Variants in MINAR1 observed in about 807,000 individuals in gnomAD.
MINAR1 encodes the protein major intrinsically disordered Notch2-binding receptor 1.
Under a neutral mutation model 65.1 loss-of-function variants are expected in MINAR1, and 40 were observed. The ratio of observed to expected loss-of-function variants is 0.61; its 90% CI spans 0.48 to 0.80. The LOEUF (loss-of-function observed/expected upper bound fraction) is 0.80. Among genes scored for constraint, MINAR1 ranks in the 30% least tolerant of loss-of-function variants. The pLI is 0.00. For missense variants in MINAR1, 1,128 were observed against 1,148.0 expected (o/e 0.98, Z 0.25); for synonymous variants, 482 against 449.1 (o/e 1.07, Z -0.93).
chr15:79,452,576 G>A (rs1038984552), intron 1 of MINAR1, among the ~76,000 whole-genome samples: 1 of 151,160 alleles, frequency 6.6e-6, no homozygotes, highest in East Asian at 1.9e-4. Flanking sequence ...GTGAGTGTAT[G>A]GGTGAGTCTG....
At chr15:79,435,938 T>A (rs1894588106) in intron 1 of MINAR1, among the ~76,000 whole-genome samples, 2 of 152,222 alleles carry the variant, frequency 1.3e-5, no homozygotes, top group South Asian at 4.1e-4. Flanking sequence ...TAAGATTGCA[T>A]TTTCCTGTTA....
At chr15:79,423,505 G>A in the MINAR1 span, 8 of 152,092 alleles carry the variant, frequency 5.3e-5, no homozygotes, top group South Asian at 2.1e-4. Flanking sequence ...AACAATAACC[G>A]ACACTCCTAT....
Position 79,468,645 on chromosome 15 carries a change from A to G in MINAR1, c.*261A>G. 1 of 464,306 alleles carries G rather than the reference A, an allele frequency of 2.2e-6. No individual in the cohort carries two copies. Among genetic ancestry groups the G allele is most frequent in the South Asian group, 2.9e-5 (1 of 34,112 alleles). The allele number at this position is 464,306 out of a possible 1,614,324, so 28.8% of individuals were successfully genotyped here. A position where few individuals can be genotyped will look rare whatever the true frequency, so the allele number is the denominator to read the frequency against. Reference sequence around the variant, plus strand: ...TCCTACCAAAAGAACATCATGGACTATCAATAAATACAAATTGAATATTCC... The same window carrying G: ...TCCTACCAAAAGAACATCATGGACTGTCAATAAATACAAATTGAATATTCC... On this transcript the variant is annotated 3_prime_UTR_variant, in exon 4 of 4. Coordinates refer to ENST00000305428, the MANE Select transcript of MINAR1 (RefSeq NM_015206.3).
At position 79,456,159 on chromosome 15, in the gene MINAR1, T is replaced by C; in HGVS notation, c.12T>C (p.Ser4=). The C allele has an allele frequency of 6.2e-7, 1 of 1,612,962 alleles. No homozygotes were observed. Among genetic ancestry groups the C allele is most frequent in the Non-Finnish European group, 8.5e-7 (1 of 1,179,072 alleles). Reference sequence around the variant, plus strand: ...TCAAGTAATAAATCATGGAGACCAGTCAGGAAACTTCCCTCTTCTTGGTGA... The same window carrying C: ...TCAAGTAATAAATCATGGAGACCAGCCAGGAAACTTCCCTCTTCTTGGTGA... MET[S]QETSLFLVKI... is the part of the protein sequence containing the mutation. Residue 4 remains serine (S), a synonymous_variant, in exon 2 of 4, where the codon AGT becomes AGC. Transcript: ENST00000305428.
At chr15:79,447,562 T>A (rs935779138) in intron 1 of MINAR1, among the ~76,000 whole-genome samples, 5 of 152,226 alleles carry the variant, frequency 3.3e-5, no homozygotes, top group Non-Finnish European at 7.3e-5. Context: ...TGTTGTAATT[T>A]TTAAAAATAT....
chr15:79,440,783 C>T (rs749073658), intron 1 of MINAR1, among the ~76,000 whole-genome samples: 31 of 152,190 alleles, frequency 2.0e-4, no homozygotes, highest in Non-Finnish European at 4.4e-4. Context: ...TGTAATACCT[C>T]CCCTTGTTCT....
rs187920973 is a variant in MINAR1 at position 79,470,237 on chromosome 15, G to A, written c.*1853G>A. ...GTCTTTGGTGCTCTGTTTTCAATGG[G>A]GCATATTACATAAGGTTGTTTCTTT... On this transcript the variant is annotated 3_prime_UTR_variant, in exon 4 of 4. Coordinates refer to ENST00000305428, the MANE Select transcript of MINAR1 (RefSeq NM_015206.3). The A allele has an allele frequency of 2.0e-4, 31 of 152,602 alleles. 1 individual carries two copies. The highest frequency in any genetic ancestry group is 4.6e-4 in the Admixed American group (7 of 15,282). The allele number at this position is 152,602 out of a possible 1,614,324, so 9.5% of individuals were successfully genotyped here. A position where few individuals can be genotyped will look rare whatever the true frequency, so the allele number is the denominator to read the frequency against.
rs749563921 is a variant in MINAR1 at position 79,457,566 on chromosome 15, C to T, written c.1419C>T (p.Ser473=). The change falls in exon 2 of 4, where the codon AGC becomes AGT. Residue 473 remains serine, a synonymous_variant. Coordinates refer to ENST00000305428, the MANE Select transcript of MINAR1 (RefSeq NM_015206.3). ...GGCAGCTCAGCTCAGACACCAGTAG[C>T]GTGGGCACCCAGACTGAGCACGTGC... ...TSGQLSSDTS[S]VGTQTEHVLE... 200 of 1,614,048 alleles carry T rather than the reference C, an allele frequency of 1.2e-4. No individual in the cohort carries two copies. Among genetic ancestry groups the T allele is most frequent in the Non-Finnish European group, 1.6e-4 (187 of 1,180,044 alleles).
chr15:79,425,987 C>G, the MINAR1 span: 1 of 152,398 alleles, frequency 6.6e-6, no homozygotes, highest in East Asian at 1.9e-4. Context: ...AGGGCATGAT[C>G]ATTTCCAAGA....
At chr15:79,446,461 A>G (rs576076736) in intron 1 of MINAR1, among the ~76,000 whole-genome samples, 91 of 152,184 alleles carry the variant, frequency 6.0e-4, no homozygotes, top group Middle Eastern at 7.0e-3. Flanking sequence ...CTTCTGAATA[A>G]TAGTTTACAT....
At position 79,457,746 on chromosome 15, in the gene MINAR1, C is replaced by A. The variant is rs1895486341; in HGVS notation, c.1599C>A (p.Ser533=). 1 of 1,614,194 alleles carries A rather than the reference C, an allele frequency of 6.2e-7. No homozygotes were observed. The highest frequency in any genetic ancestry group is 1.3e-5 in the African/African-American group (1 of 75,050). Residue 533 remains serine, a synonymous_variant, in exon 2 of 4, where the codon TCC becomes TCA. Transcript: ENST00000305428. ...RFLDDMSISG[S]TGVIQSSCYN... ...TTGATGACATGAGCATCAGTGGCTC[C>A]ACGGGAGTGATACAGTCGTCCTGCT...
rs113992955 is a variant in MINAR1, at chr15:79,457,197, A to T, written c.1050A>T (p.Glu350Asp). The stretch of plus-strand genomic sequence containing the variant: ...CCACTCCCGTGATGGGAACCCAAGA[A>T]GCCAGGCGCTGTCTAGGGAAGCCCA... ...FGPTPVMGTQ[E>D]ARRCLGKPNK... Residue 350 changes from glutamate to aspartate, a missense_variant, in exon 2 of 4, where the codon GAA becomes GAT. By Grantham distance (45) the Glu-to-Asp change is conservative. Coordinates refer to ENST00000305428, the MANE Select transcript of MINAR1 (RefSeq NM_015206.3). 84 of 1,614,168 alleles carry T rather than the reference A, an allele frequency of 5.2e-5. No individual in the cohort carries two copies. In the African/African-American group the frequency reaches 9.6e-4, roughly 18 times the overall value.
At chr15:79,439,384 G>A (rs565760188) in intron 1 of MINAR1, among the ~76,000 whole-genome samples, 2 of 141,274 alleles carry the variant, frequency 1.4e-5, no homozygotes, top group East Asian at 2.1e-4. Flanking sequence ...GGCAGTGTGT[G>A]TGTGGGTGTG....
the MINAR1 span, chr15:79,420,358 A>G: frequency 6.6e-6 from 1 of 152,234 alleles, no homozygotes; most frequent in South Asian, 2.1e-4. Context: ...AAATACCAGT[A>G]TTTTAAAAAA....
chr15:79,463,250 CCTT>C lies in MINAR1; in HGVS notation c.2486_2488del (p.Ser829del). Reference sequence around the variant, plus strand: ...GTTGGCCGAGGTGAAGCGGGGCCAACCTTCTTGGACCATTGAGGAGTATGCACG... The same window carrying C: ...GTTGGCCGAGGTGAAGCGGGGCCAACCTTGGACCATTGAGGAGTATGCACG... On this transcript the variant is annotated inframe_deletion, in exon 3 of 4. Transcript: ENST00000305428. 1.9e-6 allele frequency: 3 copies of C among 1,614,202 alleles called. No homozygotes were observed. The highest frequency in any genetic ancestry group is 2.5e-6 in the Non-Finnish European group (3 of 1,180,038).
the MINAR1 span, chr15:79,425,234 T>A: frequency 1.3e-5 from 2 of 152,162 alleles, no homozygotes; most frequent in Non-Finnish European, 2.9e-5. Flanking sequence ...GAGATGGGGT[T>A]TCACCATGTT....
chr15:79,422,848 A>T, the MINAR1 span: 2 of 152,198 alleles, frequency 1.3e-5, no homozygotes, highest in African/African-American at 4.8e-5. Flanking sequence ...AAATAAAACC[A>T]TTGCAGAACT....
chr15:79,455,538 C>G (rs555820116), intron 1 of MINAR1, among the ~76,000 whole-genome samples: 1 of 152,078 alleles, frequency 6.6e-6, no homozygotes, highest in African/African-American at 2.4e-5. Context: ...TTCTCTGTGC[C>G]CCTTTGAGGT....
upstream of MINAR1, among the ~76,000 whole-genome samples, chr15:79,429,132 A>G (rs1203906662): frequency 6.6e-6 from 1 of 152,192 alleles, no homozygotes; most frequent in African/African-American, 2.4e-5. Flanking sequence ...AAGAAGTTCA[A>G]ATGAAGGATT....
Sources: allele counts gnomAD v4.1 joint callset (sites outside exome capture counted in the v4.1 genomes callset), GRCh38; gene constraint gnomAD v4.1.1; transcripts MANE v1.5; gene names NCBI Gene and HGNC (gene_info 2026-07-23, HGNC 2026-07-21).